The following SLC1A3 variants were observed in gnomAD, a reference collection of about 807,000 sequenced individuals.
SLC1A3 encodes solute carrier family 1 member 3.
A neutral mutation model predicts 48.1 loss-of-function variants in SLC1A3; 21 were observed. That is an observed-to-expected ratio of 0.44 (90% CI 0.31 to 0.63). The LOEUF (loss-of-function observed/expected upper bound fraction) is 0.63. Among genes scored for constraint, SLC1A3 ranks in the 20% least tolerant of loss-of-function variants. The pLI, the probability that SLC1A3 is intolerant of heterozygous loss-of-function variation, is 0.08. For synonymous variants in SLC1A3, 239 were observed against 251.4 expected (o/e 0.95, Z 0.47); for missense variants, 546 against 689.0 (o/e 0.79, Z 2.32).
At chr5:36,614,611 C>CATATTTTACTTTTCTAGGAGGG (rs1739356468) in intron 2 of SLC1A3, among the ~76,000 whole-genome samples, 1 of 152,174 alleles carries the variant, frequency 6.6e-6, no homozygotes, top group Admixed American at 6.5e-5. Context: ...CAGTAGACGC[C>CATATTTTACTTTTCTAGGAGGG]TCTCTCAGGA....
At chr5:36,663,928 C>T (rs187386541) in intron 3 of SLC1A3, among the ~76,000 whole-genome samples, 1 of 152,234 alleles carries the variant, frequency 6.6e-6, no homozygotes, top group African/African-American at 2.4e-5. Flanking sequence ...TGAAGTGAAC[C>T]TTTCTAAAAT....
At position 36,612,479 on chromosome 5, in the gene SLC1A3, G is replaced by A. The variant is rs572384964; in HGVS notation, c.181+3875G>A. On this transcript the variant is annotated intron_variant, in intron 2 of 9. Coordinates refer to ENST00000265113, the MANE Select transcript of SLC1A3 (RefSeq NM_004172.5). ...ACATGTCTGTAGTCCCAGCTACTTG[G>A]GGGGGCTGAAGTGGGAGGAGGATCA... 4.6e-5 allele frequency among the ~76,000 whole-genome samples: 7 copies of A among 152,028 alleles called. No homozygotes were observed. The South Asian group carries it at 1.3e-3, about 27-fold the overall frequency.
At chr5:36,605,526 G>A (rs1025037947), upstream of SLC1A3, among the ~76,000 whole-genome samples, 7 of 152,026 alleles carry the variant, frequency 4.6e-5, no homozygotes, top group East Asian at 1.9e-4. Context: ...GTATTGAGGG[G>A]AAAAAAGACA....
intron 3 of SLC1A3, among the ~76,000 whole-genome samples, chr5:36,637,494 G>C (rs1011203848): frequency 6.6e-6 from 1 of 152,146 alleles, no homozygotes; most frequent in African/African-American, 2.4e-5. Flanking sequence ...ATCAGTTCTC[G>C]TTTGGAAGAA....
At chr5:36,656,894 T>A (rs1216866838) in intron 3 of SLC1A3, among the ~76,000 whole-genome samples, 1 of 152,236 alleles carries the variant, frequency 6.6e-6, no homozygotes, top group Non-Finnish European at 1.5e-5. Context: ...TATTCCAGAA[T>A]GAATAAAAGT....
intron 3 of SLC1A3, among the ~76,000 whole-genome samples, chr5:36,643,100 G>C (rs1740685238): frequency 6.6e-6 from 1 of 151,994 alleles, no homozygotes; most frequent in Admixed American, 6.6e-5. Context: ...GGTTTGGTTT[G>C]GTTTTTGCTA....
At chr5:36,626,359 A>G (rs1203029111) in intron 2 of SLC1A3, among the ~76,000 whole-genome samples, 1 of 152,240 alleles carries the variant, frequency 6.6e-6, no homozygotes, top group Admixed American at 6.5e-5. Context: ...ACTTATAAAT[A>G]AGATAAATTT....
chr5:36,661,575 T>C lies in SLC1A3; in HGVS notation c.320-9454T>C, dbSNP rs540118292. Among the ~76,000 whole-genome samples the C allele has an allele frequency of 2.0e-5, 3 of 152,326 alleles. No individual in the cohort carries two copies. In the East Asian group the frequency reaches 5.8e-4, roughly 29 times the overall value. ...CTAACGTTGGAATCTGGTTCCAGAA[T>C]CTTTGCAGAGTGTGGGTGGGCACAG... On this transcript the variant is annotated intron_variant, in intron 3 of 9. Coordinates refer to ENST00000265113, the MANE Select transcript of SLC1A3 (RefSeq NM_004172.5).
At position 36,666,714 on chromosome 5, in the gene SLC1A3, C is replaced by A. The variant is rs370864170; in HGVS notation, c.320-4315C>A. ...TTTTATGTTGTCCTTTAATACTTGA[C>A]TGAATGTATATTTTATTTATCCAAG... On this transcript the variant is annotated intron_variant, in intron 3 of 9. Coordinates refer to ENST00000265113, the MANE Select transcript of SLC1A3 (RefSeq NM_004172.5). 1.8e-4 allele frequency among the ~76,000 whole-genome samples: 27 copies of A among 152,306 alleles called. No homozygotes were observed. In the South Asian group the frequency reaches 5.0e-3, roughly 28 times the overall value.
intron 1 of SLC1A3, chr5:36,607,177 AC>A (rs1169596642): frequency 6.6e-6 from 1 of 152,192 alleles, no homozygotes; most frequent in Non-Finnish European, 1.5e-5. Context: ...TAAAAGGCAA[AC>A]TGTTAAGACA....
At chr5:36,653,044 C>T (rs1741147780) in intron 3 of SLC1A3, among the ~76,000 whole-genome samples, 1 of 152,230 alleles carries the variant, frequency 6.6e-6, no homozygotes, top group Non-Finnish European at 1.5e-5. Flanking sequence ...TTTATGACCT[C>T]TTAGAAGCAC....
chr5:36,634,198 C>T (rs537955747), intron 3 of SLC1A3, among the ~76,000 whole-genome samples: 18 of 152,166 alleles, frequency 1.2e-4, no homozygotes, highest in African/African-American at 4.1e-4. Flanking sequence ...ATCACTTGAA[C>T]CCAGGAGGCT....
chr5:36,615,839 G>A (rs992538555), intron 2 of SLC1A3, among the ~76,000 whole-genome samples: 3 of 152,212 alleles, frequency 2.0e-5, no homozygotes, highest in East Asian at 1.9e-4. Context: ...ATTGCTGGGA[G>A]CTGAGAAAAC....
intron 2 of SLC1A3, among the ~76,000 whole-genome samples, chr5:36,626,526 A>C (rs963975967): frequency 6.6e-6 from 1 of 152,242 alleles, no homozygotes; most frequent in Admixed American, 6.5e-5. Flanking sequence ...TGACAGCTTG[A>C]TACGTTCAAA....
At chr5:36,649,901 A>C (rs1275568046) in intron 3 of SLC1A3, among the ~76,000 whole-genome samples, 5 of 152,246 alleles carry the variant, frequency 3.3e-5, no homozygotes, top group Non-Finnish European at 7.3e-5. Context: ...CTTGAGTGAG[A>C]TGGGCCTTCC....
rs1037601020 is a variant in SLC1A3, at chr5:36,683,790, G to C, written c.1290-74G>C. 3.3e-6 allele frequency: 5 copies of C among 1,530,914 alleles called. No individual in the cohort carries two copies. The Admixed American group carries it at 6.7e-5, about 20-fold the overall frequency. The allele number at this position is 1,530,914 out of a possible 1,614,324, so 94.8% of individuals were successfully genotyped here. ...GGCAAGTCAGGCATCGGCACCGTGC[G>C]TATTTTGCAGCGTATATGCTCTACG... is the stretch of plus-strand genomic sequence containing the variant. On this transcript the variant is annotated intron_variant, in intron 8 of 9. Transcript: ENST00000265113.
intron 3 of SLC1A3, among the ~76,000 whole-genome samples, chr5:36,664,975 T>A (rs1741673212): frequency 6.6e-6 from 1 of 152,124 alleles, no homozygotes; most frequent in Non-Finnish European, 1.5e-5. Flanking sequence ...CCTGAGCAGC[T>A]TAGGGCCACC....
At chr5:36,601,358 A>G (rs1215492453) in intron 1 of SLC1A3, among the ~76,000 whole-genome samples, 1 of 152,224 alleles carries the variant, frequency 6.6e-6, no homozygotes, top group Non-Finnish European at 1.5e-5. Flanking sequence ...TGTGTCCTTA[A>G]CTAAACAGAC....
upstream of SLC1A3, among the ~76,000 whole-genome samples, chr5:36,603,596 G>T (rs946583539): frequency 8.6e-5 from 13 of 152,042 alleles, no homozygotes; most frequent in African/African-American, 3.1e-4. Context: ...CTTCACCACA[G>T]GTTTTTTTGT....
Sources: gnomAD v4.1 joint callset for allele counts (sites outside exome capture counted in the v4.1 genomes callset) on GRCh38, gnomAD v4.1.1 for gene constraint, MANE v1.5 for transcripts, NCBI Gene and HGNC (gene_info 2026-07-23, HGNC 2026-07-21) for gene names.